Variants in SND1 observed in about 807,000 individuals in gnomAD.
SND1 encodes staphylococcal nuclease and tudor domain containing 1.
Under a neutral mutation model 121.7 loss-of-function variants are expected in SND1, and 38 were observed. The observed-to-expected ratio is 0.31, with a 90% CI of 0.24 to 0.41. SND1 has a LOEUF of 0.41. Among genes scored for constraint, SND1 ranks in the 10% least tolerant of loss-of-function variants. SND1 has a pLI of 1.00. For missense variants in SND1, 868 were observed against 1,184.6 expected, an observed-to-expected ratio of 0.73 and a Z score of 3.92; for synonymous variants, 401 against 447.4, an observed-to-expected ratio of 0.90 and a Z score of 1.31.
intron 10 of SND1, among the ~76,000 whole-genome samples, chr7:127,737,536 T>C (rs1796798514): frequency 6.6e-6 from 1 of 152,108 alleles, no homozygotes; most frequent in African/African-American, 2.4e-5. Flanking sequence ...GATCACAACA[T>C]TGCACTCCAG....
chr7:127,979,921 T>G (rs1242817903), intron 15 of SND1, among the ~76,000 whole-genome samples: 1 of 152,156 alleles, frequency 6.6e-6, no homozygotes, highest in African/African-American at 2.4e-5. Flanking sequence ...TTCCCTGCTT[T>G]AGAGTATGGT....
At chr7:128,090,416 A>T (rs1793757699) in intron 22 of SND1, among the ~76,000 whole-genome samples, 1 of 152,128 alleles carries the variant, frequency 6.6e-6, no homozygotes, top group Admixed American at 6.5e-5. Flanking sequence ...CCTTTCACCA[A>T]GCAGCCACTG....
At chr7:127,930,709 G>A (rs1800941917) in intron 15 of SND1, among the ~76,000 whole-genome samples, 1 of 152,176 alleles carries the variant, frequency 6.6e-6, no homozygotes, top group African/African-American at 2.4e-5. Context: ...GTGTGAGAGA[G>A]TCCTTTTATG....
In SND1 at chr7:128,013,764, C is replaced by T. The variant is rs115723415; in HGVS notation, c.1779+22708C>T. Among the ~76,000 whole-genome samples the T allele has an allele frequency of 5.7e-3, 865 of 152,314 alleles. 9 individuals carry two copies. The highest frequency in any genetic ancestry group is 0.02 in the African/African-American group (824 of 41,566). ...CCACTGCTGCTGATCTCACATGAGG[C>T]GGAGCCCTGGCAGTAATGCTCCCCG... is the stretch of plus-strand genomic sequence containing the variant. On this transcript the variant is annotated intron_variant, in intron 16 of 23. Coordinates refer to ENST00000354725, the MANE Select transcript of SND1 (RefSeq NM_014390.4).
intron 10 of SND1, among the ~76,000 whole-genome samples, chr7:127,795,583 A>T (rs1277701448): frequency 6.6e-6 from 1 of 152,162 alleles, no homozygotes; most frequent in East Asian, 1.9e-4. Flanking sequence ...CTAATAATAG[A>T]CTGAGGGTGT....
chr7:127,929,833 C>T (rs150922634), intron 15 of SND1, among the ~76,000 whole-genome samples: 121 of 152,294 alleles, frequency 7.9e-4, no homozygotes, highest in African/African-American at 2.6e-3. Context: ...TGCTTTCACA[C>T]GCTCTTCCCA....
rs376919110 is a variant in SND1, at chr7:127,694,393, C to G, written c.229-435C>G. On this transcript the variant is annotated intron_variant, in intron 2 of 23. Transcript: ENST00000354725. ...GTGGTAGTTGTTATTTATGACTTCC[C>G]TCTGCCTAGGTGGGTTCCTGGAGCC... Among the ~76,000 whole-genome samples the G allele has an allele frequency of 3.9e-5, 6 of 152,184 alleles. No individual in the cohort carries two copies. The East Asian group carries it at 9.6e-4, about 24-fold the overall frequency.
rs191711087 is a variant in SND1, at chr7:127,932,516, A to G, written c.1669+3187A>G. Reference sequence around the variant, plus strand: ...ATGACAACAAAGGATTCAGAATATTACCTAAACTTGATGAAACAGCATCAG... The same window carrying G: ...ATGACAACAAAGGATTCAGAATATTGCCTAAACTTGATGAAACAGCATCAG... On this transcript the variant is annotated intron_variant, in intron 15 of 23. Transcript: ENST00000354725. Among the ~76,000 whole-genome samples, 121 of 152,356 alleles carry G rather than the reference A, an allele frequency of 7.9e-4. 1 individual carries two copies. The highest frequency in any genetic ancestry group is 2.9e-4 in the Non-Finnish European group (20 of 68,032).
chr7:127,911,820 T>C (rs1237829119), intron 14 of SND1, among the ~76,000 whole-genome samples: 3 of 152,146 alleles, frequency 2.0e-5, no homozygotes, highest in East Asian at 3.9e-4. Context: ...TTTTCACCTC[T>C]TCTAAAGCAT....
intron 16 of SND1, among the ~76,000 whole-genome samples, chr7:128,010,832 T>G (rs1584736112): frequency 6.6e-6 from 1 of 152,244 alleles, no homozygotes; most frequent in East Asian, 1.9e-4. Context: ...TAGTCACTAG[T>G]CACTGCTCCA....
At chr7:128,066,024 C>T (rs1793307388) in intron 16 of SND1, among the ~76,000 whole-genome samples, 1 of 152,208 alleles carries the variant, frequency 6.6e-6, no homozygotes, top group South Asian at 2.1e-4. Context: ...TCCTTATTGC[C>T]TGCACCAAAG....
At chr7:127,668,564 T>C (rs1352015536) in intron 1 of SND1, among the ~76,000 whole-genome samples, 1 of 152,184 alleles carries the variant, frequency 6.6e-6, no homozygotes, top group African/African-American at 2.4e-5. Context: ...TTGGAATAAA[T>C]GAATGGCACT....
chr7:127,706,022 A>C (rs1298509217), intron 8 of SND1, among the ~76,000 whole-genome samples: 1 of 152,184 alleles, frequency 6.6e-6, no homozygotes, highest in Non-Finnish European at 1.5e-5. Context: ...GGCACATCTG[A>C]CATGTGTATT....
chr7:127,813,332 A>G (rs1013818287), intron 11 of SND1, among the ~76,000 whole-genome samples: 1 of 152,152 alleles, frequency 6.6e-6, no homozygotes, highest in African/African-American at 2.4e-5. Context: ...TGTAAAGAGA[A>G]GGTTGATTAA....
At chr7:127,772,804 T>C (rs1346165644) in intron 10 of SND1, among the ~76,000 whole-genome samples, 1 of 152,248 alleles carries the variant, frequency 6.6e-6, no homozygotes, top group Non-Finnish European at 1.5e-5. Flanking sequence ...ACATTTGCCT[T>C]GGTAGCAGAA....
intron 10 of SND1, among the ~76,000 whole-genome samples, chr7:127,736,660 G>A (rs922148372): frequency 1.3e-5 from 2 of 152,164 alleles, no homozygotes; most frequent in African/African-American, 4.8e-5. Context: ...TAGTCCTGCT[G>A]GCAGTACACT....
chr7:127,982,012 T>C (rs1253872126), intron 15 of SND1, among the ~76,000 whole-genome samples: 3 of 152,236 alleles, frequency 2.0e-5, no homozygotes, highest in East Asian at 1.9e-4. Flanking sequence ...TTATTGAGCA[T>C]CTTCTGTTTG....
intron 15 of SND1, among the ~76,000 whole-genome samples, chr7:127,947,672 G>A (rs947439857): frequency 3.3e-5 from 5 of 152,160 alleles, no homozygotes; most frequent in African/African-American, 4.8e-5. Flanking sequence ...CAGACCAAAA[G>A]GAAGACTCTT....
At chr7:128,002,659 G>A (rs1433593516) in intron 16 of SND1, among the ~76,000 whole-genome samples, 1 of 152,172 alleles carries the variant, frequency 6.6e-6, no homozygotes, top group Admixed American at 6.5e-5. Context: ...CAACAGTGAG[G>A]GCTCTCTGCT....
Sources: gnomAD v4.1 joint callset for allele counts (sites outside exome capture counted in the v4.1 genomes callset) on GRCh38, gnomAD v4.1.1 for gene constraint, MANE v1.5 for transcripts, NCBI Gene and HGNC (gene_info 2026-07-23, HGNC 2026-07-21) for gene names.